CNTNAP2: variants seen among roughly 807,000 people sequenced by gnomAD.
The protein encoded by CNTNAP2 is contactin associated protein 2, also known as contactin-associated protein-like 2.
Under a neutral mutation model 155.2 loss-of-function variants are expected in CNTNAP2, and 98 were observed. That is an observed-to-expected ratio of 0.63 (90% CI 0.54 to 0.75). The LOEUF is 0.75. Among genes scored for constraint, CNTNAP2 ranks in the 30% least tolerant of loss-of-function variants. CNTNAP2 has a pLI of 0.00. For synonymous variants in CNTNAP2, 651 were observed against 631.2 expected (o/e 1.03, Z -0.47); for missense variants, 1,727 against 1,688.1 (o/e 1.02, Z -0.40).
At chr7:146,283,029 GAC>G (rs1436062045) in intron 1 of CNTNAP2, among the ~76,000 whole-genome samples, 1 of 152,138 alleles carries the variant, frequency 6.6e-6, no homozygotes, top group Non-Finnish European at 1.5e-5. Context: ...ATTATTGTAA[GAC>G]ACATAACATT....
chr7:147,668,792 A>G (rs1214312022), intron 13 of CNTNAP2, among the ~76,000 whole-genome samples: 1 of 151,172 alleles, frequency 6.6e-6, no homozygotes, highest in East Asian at 1.9e-4. Context: ...CAAAGAGAAA[A>G]GTTTTCTATA....
At chr7:146,822,694 T>A (rs574180416) in intron 2 of CNTNAP2, among the ~76,000 whole-genome samples, 2 of 146,062 alleles carry the variant, frequency 1.4e-5, no homozygotes, top group East Asian at 4.0e-4. Context: ...TATTTATATA[T>A]AAATATTCTT....
At chr7:146,654,621 T>G (rs1799966370) in intron 1 of CNTNAP2, among the ~76,000 whole-genome samples, 1 of 152,200 alleles carries the variant, frequency 6.6e-6, no homozygotes, top group South Asian at 2.1e-4. Context: ...AGTTGCTGAA[T>G]TTAGTCCCAT....
At chr7:146,435,610 C>T (rs553667601) in intron 1 of CNTNAP2, among the ~76,000 whole-genome samples, 17 of 152,240 alleles carry the variant, frequency 1.1e-4, no homozygotes, top group Admixed American at 2.0e-4. Flanking sequence ...ACCAGTGTTT[C>T]GGAGATGTTT....
At chr7:147,799,986 G>A (rs1338023230) in intron 13 of CNTNAP2, among the ~76,000 whole-genome samples, 1 of 152,158 alleles carries the variant, frequency 6.6e-6, no homozygotes, top group African/African-American at 2.4e-5. Context: ...CCTCTGTCAT[G>A]GGCATTTGTG....
intron 11 of CNTNAP2, among the ~76,000 whole-genome samples, chr7:147,535,111 G>A (rs1799515901): frequency 6.6e-6 from 1 of 152,162 alleles, no homozygotes; most frequent in South Asian, 2.1e-4. Context: ...AGGTGGCCAA[G>A]GCCGGGCGCG....
At chr7:146,758,114 G>A (rs906402529) in intron 1 of CNTNAP2, among the ~76,000 whole-genome samples, 14 of 151,998 alleles carry the variant, frequency 9.2e-5, no homozygotes, top group Admixed American at 2.6e-4. Flanking sequence ...AGATGAGATC[G>A]CAAATTCTCT....
At chr7:146,124,358 C>T (rs1797605594) in intron 1 of CNTNAP2, among the ~76,000 whole-genome samples, 1 of 152,010 alleles carries the variant, frequency 6.6e-6, no homozygotes, top group Non-Finnish European at 1.5e-5. Flanking sequence ...CTGATTTTTT[C>T]TAAGCAGTCA....
At chr7:147,171,537 CA>C (rs1802227043) in intron 8 of CNTNAP2, among the ~76,000 whole-genome samples, 1 of 152,108 alleles carries the variant, frequency 6.6e-6, no homozygotes, top group Non-Finnish European at 1.5e-5. Context: ...GTTGGTTAAC[CA>C]AATGGTACAG....
chr7:146,565,371 A>C (rs1798341651), intron 1 of CNTNAP2, among the ~76,000 whole-genome samples: 1 of 152,194 alleles, frequency 6.6e-6, no homozygotes, highest in African/African-American at 2.4e-5. Context: ...TTCACCTGAA[A>C]GTATATTCAT....
At chr7:148,326,527 T>C (rs1797890256) in intron 21 of CNTNAP2, among the ~76,000 whole-genome samples, 1 of 152,100 alleles carries the variant, frequency 6.6e-6, no homozygotes, top group Non-Finnish European at 1.5e-5. Flanking sequence ...AGTCTCTTCT[T>C]GAAAGGATTT....
At chr7:147,700,559 A>C (rs1796221555) in intron 13 of CNTNAP2, among the ~76,000 whole-genome samples, 1 of 152,224 alleles carries the variant, frequency 6.6e-6, no homozygotes, top group Non-Finnish European at 1.5e-5. Context: ...CGTATGCCTA[A>C]AAGATGAAAG....
intron 21 of CNTNAP2, among the ~76,000 whole-genome samples, chr7:148,296,786 A>G (rs947953233): frequency 2.0e-5 from 3 of 152,148 alleles, no homozygotes; most frequent in Non-Finnish European, 4.4e-5. Flanking sequence ...TTCTGATTTC[A>G]AGAAGCCTAA....
At chr7:146,449,594 T>C (rs534674633) in intron 1 of CNTNAP2, among the ~76,000 whole-genome samples, 24 of 152,294 alleles carry the variant, frequency 1.6e-4, no homozygotes, top group African/African-American at 5.5e-4. Context: ...GTACTCCATC[T>C]TGGAGTTGAA....
In CNTNAP2 at chr7:148,386,978, T is replaced by G. The variant is rs1294965084; in HGVS notation, c.3715+3090T>G. 2.0e-5 allele frequency among the ~76,000 whole-genome samples: 3 copies of G among 152,332 alleles called. No homozygotes were observed. In the East Asian group the frequency reaches 5.8e-4, roughly 29 times the overall value. ...AAGAGTTTGTGATAGTGCTTGTTCA[T>G]GCAGGCCTGAGTGATCTCTGTATCT... On this transcript the variant is annotated intron_variant, in intron 22 of 23. Coordinates refer to ENST00000361727, the MANE Select transcript of CNTNAP2 (RefSeq NM_014141.6).
chr7:146,286,030 C>T lies in CNTNAP2; in HGVS notation c.97+169057C>T, dbSNP rs114377259. On this transcript the variant is annotated intron_variant, in intron 1 of 23. Coordinates refer to ENST00000361727, the MANE Select transcript of CNTNAP2 (RefSeq NM_014141.6). ...TGTGTGTGTGTGTGTGTGTCTCTGC[C>T]TGTCTTTCTGTCTTTTTTTCAAGGA... Among the ~76,000 whole-genome samples, 727 of 98,588 alleles carry T rather than the reference C, an allele frequency of 7.4e-3. 17 individuals are homozygous for T. Among genetic ancestry groups the T allele is most frequent in the African/African-American group, 0.029 (667 of 22,852 alleles). The allele number at this position is 98,588 out of a possible 152,430, so 64.7% of individuals were successfully genotyped here.
chr7:147,766,829 G>A (rs1466998589), intron 13 of CNTNAP2, among the ~76,000 whole-genome samples: 1 of 151,960 alleles, frequency 6.6e-6, no homozygotes, highest in African/African-American at 2.4e-5. Context: ...TCCCTCATCT[G>A]TTCTAGGTAA....
intron 1 of CNTNAP2, among the ~76,000 whole-genome samples, chr7:146,330,793 T>C (rs932102928): frequency 6.6e-6 from 1 of 152,208 alleles, no homozygotes; most frequent in African/African-American, 2.4e-5. Flanking sequence ...TAAAGGCAGC[T>C]ACAATTTTTA....
chr7:148,295,722 A>ACCTCGTGATCCATCCG, intron 21 of CNTNAP2, among the ~76,000 whole-genome samples: 1 of 151,852 alleles, frequency 6.6e-6, no homozygotes, highest in African/African-American at 2.4e-5. Flanking sequence ...CCATCTCCTG[A>ACCTCGTGATCCATCCG]CCTCGTGATC....
Sources: gnomAD v4.1 joint callset for allele counts (sites outside exome capture counted in the v4.1 genomes callset) on GRCh38, gnomAD v4.1.1 for gene constraint, MANE v1.5 for transcripts, NCBI Gene and HGNC (gene_info 2026-07-23, HGNC 2026-07-21) for gene names.